Variants in SGPP2 observed in about 807,000 individuals in gnomAD.
SGPP2 encodes sphingosine 1-phosphate phosphohydrolase 2.
A neutral mutation model predicts 33.9 loss-of-function variants in SGPP2; 30 were observed. The observed-to-expected ratio is 0.89, with a 90% CI of 0.66 to 1.20. SGPP2 has a LOEUF of 1.20. Ranked by LOEUF, SGPP2 falls within the 50% of genes most tolerant of loss-of-function variation. The pLI, the probability that SGPP2 is intolerant of heterozygous loss-of-function variation, is 0.00. For synonymous variants in SGPP2, 233 were observed against 225.0 expected, an observed-to-expected ratio of 1.04 and a Z score of -0.32; for missense variants, 458 against 532.1, an observed-to-expected ratio of 0.86 and a Z score of 1.37.
intron 1 of SGPP2, among the ~76,000 whole-genome samples, chr2:222,461,866 G>A (rs899605695): frequency 2.0e-5 from 3 of 152,046 alleles, no homozygotes; most frequent in African/African-American, 4.8e-5. Context: ...GTTCATATTC[G>A]TTTATCTCAA....
At chr2:222,506,253 A>T (rs1698443743) in intron 2 of SGPP2, among the ~76,000 whole-genome samples, 1 of 152,336 alleles carries the variant, frequency 6.6e-6, no homozygotes, top group East Asian at 1.9e-4. Context: ...TAAAGTTCTG[A>T]TGTATTTTTC....
At position 222,541,539 on chromosome 2, in the gene SGPP2, T is replaced by G. The variant is rs184523490; in HGVS notation, c.648+16506T>G. Among the ~76,000 whole-genome samples the G allele has an allele frequency of 2.0e-5, 3 of 152,246 alleles. No homozygotes were observed. The East Asian group carries it at 5.8e-4, about 29-fold the overall frequency. On this transcript the variant is annotated intron_variant, in intron 4 of 4. Transcript: ENST00000321276. ...AAGAAGAGACTTTTAGAGGCTTACTTGTATAGGACAAGAAATGTGCATCCC... is the reference window on the plus strand; with the variant it reads ...AAGAAGAGACTTTTAGAGGCTTACTGGTATAGGACAAGAAATGTGCATCCC...
At chr2:222,425,072 A>T (rs1697042074) in intron 1 of SGPP2, among the ~76,000 whole-genome samples, 1 of 152,158 alleles carries the variant, frequency 6.6e-6, no homozygotes, top group Non-Finnish European at 1.5e-5. Context: ...CCATTTAGAG[A>T]CTTCCCACTT....
In SGPP2 at chr2:222,509,961, A is replaced by G. The variant is rs1228041514; in HGVS notation, c.379-11806A>G. Among the ~76,000 whole-genome samples, 4 of 152,208 alleles carry G rather than the reference A, an allele frequency of 2.6e-5. No individual in the cohort carries two copies. The East Asian group carries it at 7.7e-4, about 29-fold the overall frequency. On this transcript the variant is annotated intron_variant, in intron 2 of 4. Transcript: ENST00000321276. Reference sequence around the variant, plus strand: ...CTCTATGGATTTGCCTCTTCTGAACATTTCATGTAAATGGAATCATACAAT... The same window carrying G: ...CTCTATGGATTTGCCTCTTCTGAACGTTTCATGTAAATGGAATCATACAAT...
chr2:222,516,217 G>A lies in SGPP2; in HGVS notation c.379-5550G>A, dbSNP rs572888354. ...CTTACTTGCTTTCTGTCATTATAAA[G>A]TAGTTTACATTTCCAAGAATTTTAC... On this transcript the variant is annotated intron_variant, in intron 2 of 4. Coordinates refer to ENST00000321276, the MANE Select transcript of SGPP2 (RefSeq NM_152386.4). Among the ~76,000 whole-genome samples the A allele has an allele frequency of 3.9e-5, 6 of 152,246 alleles. No individual in the cohort carries two copies. In the East Asian group the frequency reaches 1.2e-3, roughly 29 times the overall value.
intron 1 of SGPP2, among the ~76,000 whole-genome samples, chr2:222,467,974 A>AAAAAAAAAAAAAAAAAAAAAG (rs1697775122): frequency 7.4e-6 from 1 of 135,780 alleles, no homozygotes. Flanking sequence ...AAAAAAAAAA[A>AAAAAAAAAAAAAAAAAAAAAG]AAAAAAAAAA....
At chr2:222,535,446 T>C (rs1698900448) in intron 4 of SGPP2, among the ~76,000 whole-genome samples, 1 of 151,426 alleles carries the variant, frequency 6.6e-6, no homozygotes, top group Admixed American at 6.6e-5. Flanking sequence ...ATGAATCCGC[T>C]GCTGGAAGGG....
rs749637746 is a variant in SGPP2, at chr2:222,558,424, G to T, written c.726G>T (p.Leu242=). 6.2e-7 allele frequency: 1 copy of T among 1,614,124 alleles called. No homozygotes were observed. The change falls in exon 5 of 5, where the codon CTG becomes CTT. Residue 242 remains leucine (L), a synonymous_variant. Transcript: ENST00000321276. ...CTGCCTGGACCTTCATCGACTGCCT[G>T]GACTCGGCCAGCCCCCTCTTCCCCG... ...TYPAWTFIDC[L]DSASPLFPVC... is the part of the protein sequence containing the mutation.
In SGPP2 at chr2:222,425,329, C is replaced by G. The variant is rs369044258; in HGVS notation, c.219+508C>G. 3.3e-5 allele frequency among the ~76,000 whole-genome samples: 5 copies of G among 152,298 alleles called. No homozygotes were observed. In the East Asian group the frequency reaches 9.7e-4, roughly 30 times the overall value. Reference sequence around the variant, plus strand: ...GGCACAGAACTTGGGGCTCACACAGCTCCTAGAGAGATTTACAACCTCCCT... The same window carrying G: ...GGCACAGAACTTGGGGCTCACACAGGTCCTAGAGAGATTTACAACCTCCCT... On this transcript the variant is annotated intron_variant, in intron 1 of 4. Coordinates refer to ENST00000321276, the MANE Select transcript of SGPP2 (RefSeq NM_152386.4).
At chr2:222,548,289 T>C (rs1361152181) in intron 4 of SGPP2, among the ~76,000 whole-genome samples, 1 of 152,250 alleles carries the variant, frequency 6.6e-6, no homozygotes, top group Non-Finnish European at 1.5e-5. Context: ...TAATTTTTCT[T>C]AACACACTTA....
At chr2:222,493,311 G>A (rs1283926320) in intron 2 of SGPP2, among the ~76,000 whole-genome samples, 1 of 152,196 alleles carries the variant, frequency 6.6e-6, no homozygotes, top group Non-Finnish European at 1.5e-5. Flanking sequence ...TTACAAGGTG[G>A]CAGGTGAGAG....
Position 222,424,778 on chromosome 2 carries a change from G to T in SGPP2, c.176G>T (p.Gly59Val). Residue 59 changes from glycine to valine, a missense_variant, in exon 1 of 5, where the codon GGC becomes GTC. Gly to Val is a moderately radical substitution (Grantham distance 109). Transcript: ENST00000321276. ...EHLPAANGKG[G>V]EAPANGLRRA... ...CTCCCCGCAGCCAACGGCAAGGGCGGCGAGGCTCCGGCCAACGGGCTGCGC... is the reference window on the plus strand; with the variant it reads ...CTCCCCGCAGCCAACGGCAAGGGCGTCGAGGCTCCGGCCAACGGGCTGCGC... 1 of 1,398,882 alleles carries T rather than the reference G, an allele frequency of 7.1e-7. No homozygotes were observed. Among genetic ancestry groups the T allele is most frequent in the Non-Finnish European group, 9.3e-7 (1 of 1,078,014 alleles). The allele number at this position is 1,398,882 out of a possible 1,614,324, so 86.7% of individuals were successfully genotyped here.
At position 222,558,417 on chromosome 2, in the gene SGPP2, ACTGC is replaced by A; in HGVS notation, c.723_726del (p.Cys241TrpfsTer13). The A allele has an allele frequency of 6.2e-7, 1 of 1,614,038 alleles. No homozygotes were observed. ...ACCTACCCTGCCTGGACCTTCATCGACTGCCTGGACTCGGCCAGCCCCCTCTTCC... is the reference window on the plus strand; with the variant it reads ...ACCTACCCTGCCTGGACCTTCATCGACTGGACTCGGCCAGCCCCCTCTTCC... On this transcript the variant is annotated frameshift_variant, in exon 5 of 5. Transcript: ENST00000321276. LOFTEE classifies it high-confidence loss of function.
At position 222,460,161 on chromosome 2, in the gene SGPP2, A is replaced by T. The variant is rs1254683908; in HGVS notation, c.220-14407A>T. Among the ~76,000 whole-genome samples the T allele has an allele frequency of 1.3e-5, 2 of 151,982 alleles. No individual in the cohort carries two copies. Among genetic ancestry groups the T allele is most frequent in the African/African-American group, 4.8e-5 (2 of 41,326 alleles). ...TTCAGTTGCCATCCACAGAAGAAGGACTCACTTTCTCTGGGTTTTATCACG... is the reference window on the plus strand; with the variant it reads ...TTCAGTTGCCATCCACAGAAGAAGGTCTCACTTTCTCTGGGTTTTATCACG... On this transcript the variant is annotated intron_variant, in intron 1 of 4. Transcript: ENST00000321276. This position sits in a 1 kb window ranked among gnomAD's most constrained non-coding sequence, Gnocchi z 4.3.
chr2:222,482,303 G>A (rs905198622), intron 2 of SGPP2, among the ~76,000 whole-genome samples: 1 of 152,140 alleles, frequency 6.6e-6, no homozygotes, highest in African/African-American at 2.4e-5. Context: ...GAACAGTTTG[G>A]CTGTCTGCTA....
chr2:222,498,088 CTTCTCAGTCTCCT>C (rs142400400), intron 2 of SGPP2, among the ~76,000 whole-genome samples: 6,772 of 152,222 alleles, frequency 0.044, 522 homozygotes, highest in African/African-American at 0.15. Context: ...CACAGGACCC[CTTCTCAGTCTCCT>C]TTTGTGATTG....
intron 2 of SGPP2, among the ~76,000 whole-genome samples, chr2:222,519,892 C>T (rs1698658051): frequency 6.6e-6 from 1 of 152,196 alleles, no homozygotes; most frequent in African/African-American, 2.4e-5. Flanking sequence ...ACCTGTACCA[C>T]ATTTTCTTTA....
rs1046464828 is a variant in SGPP2 at position 222,460,977 on chromosome 2, G to T, written c.220-13591G>T. 1.3e-5 allele frequency among the ~76,000 whole-genome samples: 2 copies of T among 152,110 alleles called. No individual in the cohort carries two copies. Among genetic ancestry groups the T allele is most frequent in the Non-Finnish European group, 2.9e-5 (2 of 68,016 alleles). ...AGTGGCATGATAATAGCTCACTGCA[G>T]CCTTGAACCCCCAGGCTCAAACACT... On this transcript the variant is annotated intron_variant, in intron 1 of 4. Transcript: ENST00000321276. This position sits in a 1 kb window ranked among gnomAD's most constrained non-coding sequence, Gnocchi z 4.3.
chr2:222,503,536 A>G (rs1638465019), intron 2 of SGPP2, among the ~76,000 whole-genome samples: 2 of 152,226 alleles, frequency 1.3e-5, no homozygotes, highest in Non-Finnish European at 2.9e-5. Context: ...GCTTTGAATC[A>G]ATGTATAAAT....
Sources: gnomAD v4.1 joint callset for allele counts (sites outside exome capture counted in the v4.1 genomes callset) on GRCh38, gnomAD v4.1.1 for gene constraint, Gnocchi (gnomAD v3.1) non-coding constraint, MANE v1.5 for transcripts, NCBI Gene and HGNC (gene_info 2026-07-23, HGNC 2026-07-21) for gene names.